Variants in ADGRB3 observed in about 807,000 individuals in gnomAD.
ADGRB3 encodes the protein adhesion G protein-coupled receptor B3.
Under a neutral mutation model 193.4 loss-of-function variants are expected in ADGRB3, and 37 were observed. The ratio of observed to expected loss-of-function variants is 0.19; its 90% CI spans 0.15 to 0.25. The LOEUF is 0.25. Among genes scored for constraint, ADGRB3 ranks in the 10% least tolerant of loss-of-function variants. The pLI, the probability that ADGRB3 is intolerant of heterozygous loss-of-function variation, is 1.00. For synonymous variants in ADGRB3, 690 were observed against 644.2 expected, an observed-to-expected ratio of 1.07 and a Z score of -1.08; for missense variants, 1,637 against 1,852.9, an observed-to-expected ratio of 0.88 and a Z score of 2.14.
intron 11 of ADGRB3, among the ~76,000 whole-genome samples, chr6:68,997,854 TA>T (rs1473038555): frequency 6.6e-6 from 1 of 152,090 alleles, no homozygotes; most frequent in East Asian, 1.9e-4. Flanking sequence ...GCAGGGTTTC[TA>T]AATACCACTA....
chr6:69,240,223 G>T (rs1766355650), intron 20 of ADGRB3, among the ~76,000 whole-genome samples: 1 of 151,970 alleles, frequency 6.6e-6, no homozygotes, highest in Non-Finnish European at 1.5e-5. Context: ...GTCCGGGTAG[G>T]ACCTAGGAGG....
chr6:68,832,790 G>A (rs1404293966), intron 3 of ADGRB3, among the ~76,000 whole-genome samples: 1 of 152,146 alleles, frequency 6.6e-6, no homozygotes, highest in Non-Finnish European at 1.5e-5. Flanking sequence ...GTGGACAGAA[G>A]TAGAAATATT....
chr6:68,740,716 G>T (rs1481090332), intron 3 of ADGRB3, among the ~76,000 whole-genome samples: 3 of 152,148 alleles, frequency 2.0e-5, no homozygotes, highest in African/African-American at 7.2e-5. Context: ...TTATGTGTTA[G>T]TAAAACATAA....
At chr6:69,213,655 C>G (rs1364625053) in intron 17 of ADGRB3, among the ~76,000 whole-genome samples, 3 of 152,144 alleles carry the variant, frequency 2.0e-5, no homozygotes, top group African/African-American at 7.2e-5. Flanking sequence ...ACTCCTGGCT[C>G]CTTCCTCCTA....
chr6:68,922,963 A>C (rs938947724), intron 3 of ADGRB3, among the ~76,000 whole-genome samples: 8 of 152,160 alleles, frequency 5.3e-5, no homozygotes, highest in African/African-American at 1.7e-4. Context: ...TAGTAGAAAA[A>C]TACTGAAAAT....
intron 3 of ADGRB3, among the ~76,000 whole-genome samples, chr6:68,714,367 AT>A (rs77947189): frequency 0.12 from 17,580 of 151,094 alleles, 1,662 homozygotes; most frequent in East Asian, 0.51. Flanking sequence ...AATTAGTCAA[AT>A]TTTTTTTTGT....
chr6:69,180,958 A>G (rs1207433741), intron 17 of ADGRB3, among the ~76,000 whole-genome samples: 2 of 152,136 alleles, frequency 1.3e-5, no homozygotes, highest in Non-Finnish European at 2.9e-5. Flanking sequence ...TTTCCCTCAC[A>G]GAGTACCCAA....
At chr6:69,208,625 CA>C (rs961429182) in intron 17 of ADGRB3, among the ~76,000 whole-genome samples, 61 of 152,334 alleles carry the variant, frequency 4.0e-4, no homozygotes, top group African/African-American at 1.4e-3. Context: ...ATCTGTGAAG[CA>C]AGCCCTAGTC....
rs188286748 is a variant in ADGRB3, at chr6:69,193,762, T to A, written c.2481-39528T>A. On this transcript the variant is annotated intron_variant, in intron 17 of 31. Transcript: ENST00000370598. ...AAAATAATAACCTGCTTTAAGTATA[T>A]CATAGGATTTTTCTGTAAACTAGGG... Among the ~76,000 whole-genome samples, 11 of 152,140 alleles carry A rather than the reference T, an allele frequency of 7.2e-5. No homozygotes were observed. In the East Asian group the frequency reaches 1.2e-3, roughly 16 times the overall value.
intron 17 of ADGRB3, among the ~76,000 whole-genome samples, chr6:69,205,996 C>T (rs1373466898): frequency 7.3e-6 from 1 of 137,012 alleles, no homozygotes; most frequent in African/African-American, 2.7e-5. Context: ...TCTAGAGGGA[C>T]AGAACTAATT....
intron 3 of ADGRB3, among the ~76,000 whole-genome samples, chr6:68,816,303 A>G (rs1767629857): frequency 6.6e-6 from 1 of 152,002 alleles, no homozygotes; most frequent in East Asian, 1.9e-4. Context: ...TTATCATGAA[A>G]ATGATTAAGA....
intron 17 of ADGRB3, among the ~76,000 whole-genome samples, chr6:69,229,612 C>T (rs1465642994): frequency 6.6e-6 from 1 of 152,054 alleles, no homozygotes; most frequent in Non-Finnish European, 1.5e-5. Flanking sequence ...AGTAGAATAT[C>T]TAGTTTTATT....
At chr6:69,072,587 A>G (rs1772107419) in intron 16 of ADGRB3, among the ~76,000 whole-genome samples, 1 of 152,108 alleles carries the variant, frequency 6.6e-6, no homozygotes, top group Non-Finnish European at 1.5e-5. Flanking sequence ...TTAAGCCTAT[A>G]GTCCGTATCT....
At chr6:68,682,871 G>A (rs141150030) in intron 3 of ADGRB3, among the ~76,000 whole-genome samples, 58 of 151,344 alleles carry the variant, frequency 3.8e-4, no homozygotes, top group Admixed American at 1.3e-3. Flanking sequence ...TCTGCTTCCC[G>A]GGTTCAAGTG....
intron 17 of ADGRB3, among the ~76,000 whole-genome samples, chr6:69,177,165 T>G (rs1022404756): frequency 6.6e-6 from 1 of 152,084 alleles, no homozygotes; most frequent in African/African-American, 2.4e-5. Context: ...TCTTCTAGGT[T>G]TGGGGTTAGT....
At chr6:68,694,797 C>T (rs1187497484) in intron 3 of ADGRB3, among the ~76,000 whole-genome samples, 1 of 152,068 alleles carries the variant, frequency 6.6e-6, no homozygotes, top group Non-Finnish European at 1.5e-5. Context: ...TATCTTCTTG[C>T]TCCCTAGGCC....
intron 29 of ADGRB3, among the ~76,000 whole-genome samples, chr6:69,362,041 A>G (rs1291067368): frequency 6.6e-6 from 1 of 151,982 alleles, no homozygotes; most frequent in Non-Finnish European, 1.5e-5. Flanking sequence ...CAGTAGATCA[A>G]TATTATTCAG....
At chr6:69,083,539 G>T (rs138736728) in intron 17 of ADGRB3, among the ~76,000 whole-genome samples, 11 of 152,210 alleles carry the variant, frequency 7.2e-5, no homozygotes, top group Non-Finnish European at 1.5e-4. Flanking sequence ...AAACATGATA[G>T]ATATACAAAT....
At chr6:68,969,203 TGTG>T (rs1768483764) in intron 8 of ADGRB3, among the ~76,000 whole-genome samples, 1 of 152,110 alleles carries the variant, frequency 6.6e-6, no homozygotes, top group African/African-American at 2.4e-5. Flanking sequence ...TTCAATCTGT[TGTG>T]AGAAGGGCTA....
Sources: gnomAD v4.1 joint callset for allele counts (sites outside exome capture counted in the v4.1 genomes callset) on GRCh38, gnomAD v4.1.1 for gene constraint, MANE v1.5 for transcripts, NCBI Gene and HGNC (gene_info 2026-07-23, HGNC 2026-07-21) for gene names.